The following OSGIN1 variants were observed in gnomAD, a reference collection of about 807,000 sequenced individuals.
OSGIN1 encodes the protein oxidative stress-induced growth inhibitor 1.
Under a neutral mutation model 20.1 loss-of-function variants are expected in OSGIN1, and 19 were observed. That is an observed-to-expected ratio of 0.95 (90% CI 0.66 to 1.39). The LOEUF (loss-of-function observed/expected upper bound fraction) is 1.39, where lower values mean the gene tolerates loss of function less well. Ranked by LOEUF, OSGIN1 falls within the 40% of genes most tolerant of loss-of-function variation. The pLI, the probability that OSGIN1 is intolerant of heterozygous loss-of-function variation, is 0.00. For synonymous variants in OSGIN1, 368 were observed against 297.8 expected (o/e 1.24, Z -2.43); for missense variants, 820 against 653.0 (o/e 1.26, Z -2.79).
At chr16:83,961,983 CT>C (rs1447006674) in intron 5 of OSGIN1, among the ~76,000 whole-genome samples, 1 of 141,532 alleles carries the variant, frequency 7.1e-6, no homozygotes, top group Non-Finnish European at 1.5e-5. Context: ...TTTTTTAATG[CT>C]TTTGCTACAG....
At chr16:83,954,842 A>C in intron 1 of OSGIN1, 1 of 638,172 alleles carries the variant, frequency 1.6e-6, no homozygotes, top group Non-Finnish European at 2.0e-6. Context: ...GCTCCTGCAA[A>C]TGCCCTTCTT....
At chr16:83,963,079 C>A (rs1412629894) in intron 5 of OSGIN1, among the ~76,000 whole-genome samples, 1 of 152,212 alleles carries the variant, frequency 6.6e-6, no homozygotes, top group Non-Finnish European at 1.5e-5. Context: ...TTCCTCCGCC[C>A]CCAGGGCTGT....
intron 5 of OSGIN1, among the ~76,000 whole-genome samples, chr16:83,963,449 C>A (rs1392102358): frequency 6.6e-6 from 1 of 152,102 alleles, no homozygotes; most frequent in African/African-American, 2.4e-5. Flanking sequence ...GAGCACAAAA[C>A]CACCGCAGAC....
At position 83,953,743 on chromosome 16, in the gene OSGIN1, C is replaced by T. The variant is rs534883786; in HGVS notation, c.-33+373C>T. ...CTGGGTCGGCAGCCAGGCTGGGTGC[C>T]TTCTGGGTTTCTGCTTCTCCTGCTC... On this transcript the variant is annotated intron_variant, in intron 1 of 5. Coordinates refer to ENST00000393306, the MANE Select transcript of OSGIN1 (RefSeq NM_182981.3). Among the ~76,000 whole-genome samples the T allele has an allele frequency of 5.4e-4, 82 of 152,236 alleles. No homozygotes were observed. In the South Asian group the frequency reaches 0.013, roughly 25 times the overall value.
Position 83,965,752 on chromosome 16 carries a change from G to A in OSGIN1, c.1179G>A (p.Leu393=). Residue 393 remains leucine (L), a synonymous_variant, in exon 6 of 6, where the codon CTG becomes CTA. Transcript: ENST00000393306. The stretch of plus-strand genomic sequence containing the variant: ...AGGTGTTTGGGGTCTCCCTGGTGCT[G>A]GTCCTCATCGGCTCCCACCCCGACC... ...VEKVFGVSLV[L]VLIGSHPDLS... is the part of the protein sequence containing the mutation. The A allele has an allele frequency of 1.9e-6, 3 of 1,613,480 alleles. No homozygotes were observed. Among genetic ancestry groups the A allele is most frequent in the Non-Finnish European group, 2.5e-6 (3 of 1,179,948 alleles).
In OSGIN1 at chr16:83,953,384, G is replaced by T; in HGVS notation, c.-33+14G>T. 1 of 1,288,540 alleles carries T rather than the reference G, an allele frequency of 7.8e-7. No individual in the cohort carries two copies. Among genetic ancestry groups the T allele is most frequent in the Non-Finnish European group, 1.0e-6 (1 of 988,328 alleles). 79.8% of individuals were successfully genotyped at this position (1,288,540 alleles called of 1,614,324 possible). A position where few individuals can be genotyped will look rare whatever the true frequency, so the allele number is the denominator to read the frequency against. Reference sequence around the variant, plus strand: ...ACTGCCTGTCAGGTGAGTGTCCGGGGCCAGGTTCCGGGGCAGGGAATCAGG... The same window carrying T: ...ACTGCCTGTCAGGTGAGTGTCCGGGTCCAGGTTCCGGGGCAGGGAATCAGG... On this transcript the variant is annotated intron_variant, in intron 1 of 5. Coordinates refer to ENST00000393306, the MANE Select transcript of OSGIN1 (RefSeq NM_182981.3).
chr16:83,956,335 G>A (rs896763964), intron 1 of OSGIN1, among the ~76,000 whole-genome samples: 58 of 152,320 alleles, frequency 3.8e-4, no homozygotes, highest in African/African-American at 1.2e-3. Context: ...AAAACTCTGC[G>A]TTCATTCATT....
At chr16:83,964,999 T>G in intron 5 of OSGIN1, 63 bp from the exon 6 acceptor site, 256 of 645,416 alleles carry the variant, frequency 4.0e-4, no homozygotes, top group East Asian at 6.7e-4. Flanking sequence ...ACATCTCCCG[T>G]CCCACCCAGC....
chr16:83,954,222 GC>G (rs1908822124), intron 1 of OSGIN1: 1 of 152,204 alleles, frequency 6.6e-6, no homozygotes, highest in Non-Finnish European at 1.5e-5. Context: ...GGAGTAAATG[GC>G]CACTAGAGGT....
chr16:83,962,353 C>G (rs542716299), intron 5 of OSGIN1, among the ~76,000 whole-genome samples: 1 of 152,320 alleles, frequency 6.6e-6, no homozygotes, highest in South Asian at 2.1e-4. Flanking sequence ...ATTCTCCTGC[C>G]CCAGCCTCCC....
chr16:83,957,782 C>T, intron 2 of OSGIN1, 44 bp downstream of exon 2: 1 of 1,157,542 alleles, frequency 8.6e-7, no homozygotes, highest in East Asian at 2.8e-5. Context: ...GCTGAGCCTT[C>T]CGGGTACCCC....
intron 2 of OSGIN1, among the ~76,000 whole-genome samples, chr16:83,957,952 C>G (rs1211902022): frequency 6.6e-6 from 1 of 152,186 alleles, no homozygotes; most frequent in Admixed American, 6.5e-5. Flanking sequence ...TCTTGGTTCA[C>G]TGCAACCTCT....
chr16:83,961,600 T>C (rs1597181392), intron 5 of OSGIN1, among the ~76,000 whole-genome samples: 1 of 152,116 alleles, frequency 6.6e-6, no homozygotes, highest in Non-Finnish European at 1.5e-5. Flanking sequence ...GTACAGGGGC[T>C]TCAGAGTGCA....
Position 83,959,347 on chromosome 16 carries a change from T to C in OSGIN1, c.155T>C (p.Leu52Pro). 6.2e-7 allele frequency: 1 copy of C among 1,613,728 alleles called. No individual in the cohort carries two copies. Among genetic ancestry groups the C allele is most frequent in the Non-Finnish European group, 8.5e-7 (1 of 1,179,950 alleles). ...TKPDAIHPHP[L>P]LQRKLTEAPG... ...CCAGATGCCATCCACCCACACCCCC[T>C]GCTGCAGAGGAAGCTCACCGAGGCC... is the stretch of plus-strand genomic sequence containing the variant. Residue 52 changes from leucine to proline, a missense_variant, in exon 3 of 6, where the codon CTG becomes CCG. Coordinates refer to ENST00000393306, the MANE Select transcript of OSGIN1 (RefSeq NM_182981.3).
rs1193398704 is a variant in OSGIN1 at position 83,965,095 on chromosome 16, C to T, written c.522C>T (p.Asp174=). 1.9e-6 allele frequency: 3 copies of T among 1,608,006 alleles called. No homozygotes were observed. The highest frequency in any genetic ancestry group is 2.6e-6 in the Non-Finnish European group (3 of 1,176,036). Residue 174 remains aspartate, a synonymous_variant, in exon 6 of 6, where the codon GAC becomes GAT. Transcript: ENST00000393306. Reference sequence around the variant, plus strand: ...GCAACAGCCGGGCCACTGCCGGGGACATCGCCCACTACTACAGGGACTACG... The same window carrying T: ...GCAACAGCCGGGCCACTGCCGGGGATATCGCCCACTACTACAGGGACTACG... ...GLRNSRATAG[D]IAHYYRDYVV... is the part of the protein sequence containing the mutation.
intron 3 of OSGIN1, 95 bp from the exon 4 acceptor site, chr16:83,960,474 C>T: frequency 1.0e-6 from 1 of 967,424 alleles, no homozygotes; most frequent in Non-Finnish European, 1.6e-6. Context: ...GGGAAATGGC[C>T]CGGCCCCAGT....
Position 83,965,700 on chromosome 16 carries a change from T to A in OSGIN1, c.1127T>A (p.Val376Glu). The change falls in exon 6 of 6, where the codon GTG becomes GAG. Residue 376 changes from valine (V) to glutamate (E), a missense_variant. Transcript: ENST00000393306. Reference sequence around the variant, plus strand: ...TGCTTCAAGGAAGACTGCCAGGCCGTGTTCCAGGACCTCGAGGGTGTCGAG... The same window carrying A: ...TGCTTCAAGGAAGACTGCCAGGCCGAGTTCCAGGACCTCGAGGGTGTCGAG... ...LLCFKEDCQA[V>E]FQDLEGVEKV... 1 of 1,613,648 alleles carries A rather than the reference T, an allele frequency of 6.2e-7. No individual in the cohort carries two copies. The highest frequency in any genetic ancestry group is 8.5e-7 in the Non-Finnish European group (1 of 1,180,012).
intron 5 of OSGIN1, among the ~76,000 whole-genome samples, chr16:83,962,290 G>C (rs1463246566): frequency 1.6e-4 from 24 of 152,200 alleles, no homozygotes; most frequent in Admixed American, 1.6e-3. Flanking sequence ...CCAGGCTGGA[G>C]TGCAGTGGCG....
intron 5 of OSGIN1, among the ~76,000 whole-genome samples, chr16:83,963,131 C>G (rs891970671): frequency 1.3e-5 from 2 of 152,204 alleles, no homozygotes; most frequent in Non-Finnish European, 2.9e-5. Context: ...CCAGGCGTCC[C>G]CCTCCAGGCC....
Sources: allele counts gnomAD v4.1 joint callset (sites outside exome capture counted in the v4.1 genomes callset), GRCh38; gene constraint gnomAD v4.1.1; transcripts MANE v1.5; gene names NCBI Gene and HGNC (gene_info 2026-07-23, HGNC 2026-07-21).